Variants in DUSP16 observed in about 807,000 individuals in gnomAD.
DUSP16 encodes the protein dual specificity phosphatase 16.
Under a neutral mutation model 58.3 loss-of-function variants are expected in DUSP16, and 21 were observed. The ratio of observed to expected loss-of-function variants is 0.36; its 90% CI spans 0.26 to 0.52. The LOEUF is 0.52. Among genes scored for constraint, DUSP16 ranks in the 20% least tolerant of loss-of-function variants. DUSP16 has a pLI of 0.94. For missense variants in DUSP16, 726 were observed against 819.0 expected, an observed-to-expected ratio of 0.89 and a Z score of 1.39; for synonymous variants, 320 against 323.8, an observed-to-expected ratio of 0.99 and a Z score of 0.12.
At chr12:12,518,371 G>C (rs962204968) in intron 3 of DUSP16, among the ~76,000 whole-genome samples, 1 of 152,102 alleles carries the variant, frequency 6.6e-6, no homozygotes, top group Non-Finnish European at 1.5e-5. Context: ...AAATTAGCCA[G>C]GCGTGGTGGC....
chr12:12,542,405 A>G (rs867027028), intron 1 of DUSP16, among the ~76,000 whole-genome samples: 1,649 of 151,440 alleles, frequency 0.011, 36 homozygotes, highest in African/African-American at 0.038. Context: ...AAAAAAAAAA[A>G]AAAAGAAATA....
intron 4 of DUSP16, among the ~76,000 whole-genome samples, chr12:12,488,974 G>T (rs1943724405): frequency 6.6e-6 from 1 of 152,160 alleles, no homozygotes; most frequent in Non-Finnish European, 1.5e-5. Flanking sequence ...AGCTACTCGG[G>T]AAAGTTGAGG....
chr12:12,560,333 TAACAAA>T (rs1667333063), intron 1 of DUSP16, among the ~76,000 whole-genome samples: 1 of 152,206 alleles, frequency 6.6e-6, no homozygotes, highest in Admixed American at 6.5e-5. Context: ...CTATTCACAC[TAACAAA>T]ATTCAAAATA....
rs1377657337 is a variant in DUSP16 at position 12,521,148 on chromosome 12, G to A, written c.-50C>T. 3 of 1,587,290 alleles carry A rather than the reference G, an allele frequency of 1.9e-6. No homozygotes were observed. Among genetic ancestry groups the A allele is most frequent in the African/African-American group, 2.7e-5 (2 of 74,200 alleles). On this transcript the variant is annotated 5_prime_UTR_variant, in exon 2 of 7. Coordinates refer to ENST00000298573, the MANE Select transcript of DUSP16 (RefSeq NM_030640.3). ...ACCTCCTTCTTTAATTTGCCACGAT[G>A]ATGTAATGGTGGTGTGCTCAAAGGC...
At chr12:12,536,868 A>G (rs973147809) in intron 1 of DUSP16, among the ~76,000 whole-genome samples, 1 of 152,164 alleles carries the variant, frequency 6.6e-6, no homozygotes, top group African/African-American at 2.4e-5. Flanking sequence ...AGAAACCCCC[A>G]TCTCTACTAA....
chr12:12,552,654 T>C (rs1944746241), intron 1 of DUSP16, among the ~76,000 whole-genome samples: 1 of 152,190 alleles, frequency 6.6e-6, no homozygotes, highest in African/African-American at 2.4e-5. Flanking sequence ...CCCAGCTATC[T>C]TCTATAAAGA....
chr12:12,512,746 T>A (rs544081790), intron 3 of DUSP16, among the ~76,000 whole-genome samples: 60 of 152,286 alleles, frequency 3.9e-4, no homozygotes, highest in African/African-American at 1.4e-3. Context: ...GTCACTGTAG[T>A]TTTTTAGACC....
intron 3 of DUSP16, among the ~76,000 whole-genome samples, chr12:12,504,901 C>T (rs1943969716): frequency 6.6e-6 from 1 of 151,950 alleles, no homozygotes; most frequent in Non-Finnish European, 1.5e-5. Context: ...ATACATCCAA[C>T]AAAACAATAT....
intron 5 of DUSP16, among the ~76,000 whole-genome samples, chr12:12,486,501 TGTGTG>T (rs1943686668): frequency 7.2e-6 from 1 of 138,242 alleles, no homozygotes; most frequent in East Asian, 1.9e-4. Flanking sequence ...TGTGTGTGTG[TGTGTG>T]TGTGTGTGTG....
At chr12:12,525,384 T>C (rs953014465) in intron 1 of DUSP16, among the ~76,000 whole-genome samples, 2 of 152,020 alleles carry the variant, frequency 1.3e-5, no homozygotes, top group South Asian at 4.1e-4. Context: ...TTCTCCTGCC[T>C]CAGCCTCTCC....
chr12:12,503,946 T>TAA (rs1259906947), intron 3 of DUSP16, among the ~76,000 whole-genome samples: 3 of 152,184 alleles, frequency 2.0e-5, no homozygotes, highest in Non-Finnish European at 2.9e-5. Context: ...CTCCTGTACT[T>TAA]ACAAGTACAA....
intron 1 of DUSP16, among the ~76,000 whole-genome samples, chr12:12,533,469 G>A (rs773374852): frequency 7.9e-5 from 12 of 152,156 alleles, no homozygotes; most frequent in African/African-American, 1.7e-4. Flanking sequence ...AAGGCCCTGC[G>A]GCTAAAAATA....
At chr12:12,526,459 A>G (rs564560911) in intron 1 of DUSP16, among the ~76,000 whole-genome samples, 21 of 152,340 alleles carry the variant, frequency 1.4e-4, no homozygotes, top group Non-Finnish European at 2.5e-4. Flanking sequence ...ATGCTACTGA[A>G]TAAGTTATGT....
intron 4 of DUSP16, among the ~76,000 whole-genome samples, chr12:12,490,382 AG>A (rs1298353698): frequency 1.3e-5 from 2 of 152,088 alleles, no homozygotes; most frequent in Non-Finnish European, 2.9e-5. Flanking sequence ...AAATAAAACA[AG>A]TACAATTTGT....
chr12:12,490,200 G>A (rs1943742205), intron 4 of DUSP16, among the ~76,000 whole-genome samples: 1 of 152,186 alleles, frequency 6.6e-6, no homozygotes, highest in Non-Finnish European at 1.5e-5. Flanking sequence ...TTATAGGCAT[G>A]AGCTACTGTA....
intron 4 of DUSP16, among the ~76,000 whole-genome samples, chr12:12,498,509 A>G (rs1028141206): frequency 1.2e-4 from 18 of 151,764 alleles, no homozygotes; most frequent in African/African-American, 4.4e-4. Flanking sequence ...CTGCCTCCCA[A>G]GCTCAAGCAA....
intron 3 of DUSP16, among the ~76,000 whole-genome samples, chr12:12,511,541 C>G (rs1227950509): frequency 4.6e-5 from 7 of 152,060 alleles, no homozygotes; most frequent in Non-Finnish European, 8.8e-5. Flanking sequence ...CCTCCCTACC[C>G]AAATCTTACT....
At chr12:12,531,881 G>A (rs901641062) in intron 1 of DUSP16, among the ~76,000 whole-genome samples, 10 of 151,884 alleles carry the variant, frequency 6.6e-5, no homozygotes, top group Non-Finnish European at 1.3e-4. Context: ...AAACAAGGCC[G>A]GGCGCGGTGG....
intron 1 of DUSP16, among the ~76,000 whole-genome samples, chr12:12,553,965 A>G (rs1944771161): frequency 6.6e-6 from 1 of 152,136 alleles, no homozygotes; most frequent in Non-Finnish European, 1.5e-5. Flanking sequence ...TGAGAGGCCA[A>G]GACAAGCAGA....
Sources: allele counts gnomAD v4.1 joint callset (sites outside exome capture counted in the v4.1 genomes callset), GRCh38; gene constraint gnomAD v4.1.1; transcripts MANE v1.5; gene names NCBI Gene and HGNC (gene_info 2026-07-23, HGNC 2026-07-21).